The following PARP16 variants were observed in gnomAD, a reference collection of about 807,000 sequenced individuals.
PARP16 encodes protein mono-ADP-ribosyltransferase PARP16.
In PARP16, 31 loss-of-function variants were observed where a neutral mutation model predicts 35.0. That is an observed-to-expected ratio of 0.88 (90% CI 0.66 to 1.19). PARP16 has a LOEUF of 1.19. Among genes scored for constraint, PARP16 ranks in the 50% most tolerant of loss-of-function variants. The probability of loss-of-function intolerance (pLI) is 0.00; values close to 1 mark genes in which losing one functional copy is unlikely to be tolerated. For missense variants in PARP16, 424 were observed against 411.2 expected (o/e 1.03, Z -0.27); for synonymous variants, 162 against 169.5 (o/e 0.96, Z 0.34).
At chr15:65,276,254 G>C (rs2090250882) in intron 1 of PARP16, among the ~76,000 whole-genome samples, 1 of 152,150 alleles carries the variant, frequency 6.6e-6, no homozygotes, top group South Asian at 2.1e-4. Flanking sequence ...ACTAAAACCT[G>C]TCTGCATTTT....
intron 1 of PARP16, among the ~76,000 whole-genome samples, chr15:65,273,800 CAGG>C (rs1447746937): frequency 6.6e-6 from 1 of 150,598 alleles, no homozygotes; most frequent in African/African-American, 2.4e-5. Context: ...CGCTTGAACC[CAGG>C]AGGTGGAGGT....
At chr15:65,274,774 C>A (rs947985950) in intron 1 of PARP16, among the ~76,000 whole-genome samples, 2 of 151,990 alleles carry the variant, frequency 1.3e-5, no homozygotes, top group African/African-American at 4.8e-5. Flanking sequence ...TTAAAATGGG[C>A]CCCTTAATCA....
intron 3 of PARP16, among the ~76,000 whole-genome samples, chr15:65,266,339 G>A (rs891931603): frequency 6.6e-6 from 1 of 152,206 alleles, no homozygotes; most frequent in Non-Finnish European, 1.5e-5. Flanking sequence ...TAAAATGCAG[G>A]TTCTGATTCA....
chr15:65,240,972 G>A (rs1379063237), intron 3 of PARP16, among the ~76,000 whole-genome samples: 4 of 151,492 alleles, frequency 2.6e-5, no homozygotes, highest in African/African-American at 4.8e-5. Context: ...AGCTGGGACT[G>A]CAGGTGCACA....
At chr15:65,232,718 C>T (rs1242490896), downstream of PARP16, among the ~76,000 whole-genome samples, 1 of 152,058 alleles carries the variant, frequency 6.6e-6, no homozygotes, top group African/African-American at 2.4e-5. Flanking sequence ...GCCTGGACAA[C>T]ATAGCAAGAC....
chr15:65,271,334 C>T (rs1006104571), intron 1 of PARP16, among the ~76,000 whole-genome samples: 3 of 152,010 alleles, frequency 2.0e-5, no homozygotes, highest in Non-Finnish European at 2.9e-5. Context: ...AGAGCAGTGG[C>T]ATGATCTTGG....
downstream of PARP16, among the ~76,000 whole-genome samples, chr15:65,257,629 CAA>C (rs5813342): frequency 0.014 from 957 of 66,924 alleles, 3 homozygotes; most frequent in African/African-American, 0.048. Flanking sequence ...GACTCTGTCT[CAA>C]AAAAAAAAAA....
At chr15:65,278,441 T>G (rs2090322613) in intron 1 of PARP16, among the ~76,000 whole-genome samples, 1 of 152,140 alleles carries the variant, frequency 6.6e-6, no homozygotes, top group African/African-American at 2.4e-5. Context: ...AGGATATAGC[T>G]GGAGAGATAG....
chr15:65,268,165 T>C (rs528816862), intron 2 of PARP16, among the ~76,000 whole-genome samples: 1 of 152,308 alleles, frequency 6.6e-6, no homozygotes, highest in East Asian at 1.9e-4. Flanking sequence ...CCCTTAAGAC[T>C]GTGCTTGGCC....
chr15:65,284,356 T>C (rs889105262), intron 1 of PARP16, among the ~76,000 whole-genome samples: 38 of 143,126 alleles, frequency 2.7e-4, no homozygotes, highest in South Asian at 4.6e-4. Context: ...TTTTTTTTTT[T>C]TTTTTTGAGA....
At chr15:65,232,156 T>C (rs2088785237), downstream of PARP16, among the ~76,000 whole-genome samples, 1 of 152,098 alleles carries the variant, frequency 6.6e-6, no homozygotes, top group East Asian at 1.9e-4. Flanking sequence ...TTGGGAGTGG[T>C]ATTTTTCTCT....
At chr15:65,240,215 G>A (rs2089019636) in intron 3 of PARP16, among the ~76,000 whole-genome samples, 1 of 151,498 alleles carries the variant, frequency 6.6e-6, no homozygotes, top group African/African-American at 2.4e-5. Flanking sequence ...TCGGCTCACT[G>A]CAAGCTCCAC....
intron 1 of PARP16, among the ~76,000 whole-genome samples, chr15:65,279,968 G>T (rs2090369508): frequency 6.6e-6 from 1 of 151,830 alleles, no homozygotes; most frequent in Non-Finnish European, 1.5e-5. Context: ...TCCAAACCGG[G>T]CTCAATGACA....
chr15:65,231,433 T>A (rs187976122), downstream of PARP16, among the ~76,000 whole-genome samples: 5 of 152,236 alleles, frequency 3.3e-5, no homozygotes, highest in East Asian at 9.6e-4. Context: ...ATTTTTCTCC[T>A]TACATAGTTT....
chr15:65,265,411 A>G (rs965485841), intron 3 of PARP16, among the ~76,000 whole-genome samples: 2 of 152,206 alleles, frequency 1.3e-5, no homozygotes, highest in Non-Finnish European at 2.9e-5. Context: ...TAATTTACTC[A>G]GGGCCATAGA....
At chr15:65,267,245 A>T (rs1014216292) in intron 2 of PARP16, among the ~76,000 whole-genome samples, 2 of 151,894 alleles carry the variant, frequency 1.3e-5, no homozygotes, top group Admixed American at 1.3e-4. Context: ...CCATTTAAAA[A>T]AATAATAATA....
chr15:65,265,748 G>A (rs888618574), intron 3 of PARP16, among the ~76,000 whole-genome samples: 2 of 152,120 alleles, frequency 1.3e-5, no homozygotes, highest in African/African-American at 2.4e-5. Context: ...CATTTCCAGC[G>A]AGCTACCAGG....
At chr15:65,239,716 G>A (rs1272492658) in intron 3 of PARP16, among the ~76,000 whole-genome samples, 1 of 149,230 alleles carries the variant, frequency 6.7e-6, no homozygotes, top group African/African-American at 2.5e-5. Context: ...GAGTGTAGTG[G>A]CGCGATCTCC....
downstream of PARP16, among the ~76,000 whole-genome samples, chr15:65,233,874 G>C (rs2088816286): frequency 6.6e-6 from 1 of 152,084 alleles, no homozygotes; most frequent in South Asian, 2.1e-4. Flanking sequence ...TTTTTGGCCT[G>C]AGTATTCCTT....
Sources: allele counts gnomAD v4.1 joint callset (sites outside exome capture counted in the v4.1 genomes callset), GRCh38; gene constraint gnomAD v4.1.1; transcripts MANE v1.5; gene names NCBI Gene and HGNC (gene_info 2026-07-23, HGNC 2026-07-21).